TNC: variants seen among roughly 807,000 people sequenced by gnomAD.
TNC encodes the protein tenascin C.
A neutral mutation model predicts 202.4 loss-of-function variants in TNC; 109 were observed. That is an observed-to-expected ratio of 0.54 (90% confidence interval 0.46 to 0.63). The LOEUF (loss-of-function observed/expected upper bound fraction) is 0.63, where lower values mean the gene tolerates loss of function less well. TNC is among the 30% of genes least tolerant of loss of function. The pLI, the probability that TNC is intolerant of heterozygous loss-of-function variation, is 0.00. For synonymous variants in TNC, 1,007 were observed against 1,089.7 expected, an observed-to-expected ratio of 0.92 and a Z score of 1.50; for missense variants, 2,756 against 2,833.3, an observed-to-expected ratio of 0.97 and a Z score of 0.62.
chr9:115,042,438 C>A, intron 17 of TNC, 97 bp from the exon 18 acceptor site: 1 of 1,517,740 alleles, frequency 6.6e-7, no homozygotes, highest in East Asian at 2.3e-5. Context: ...AACTCAGTGC[C>A]TAGAATTTGT....
At chr9:115,087,705 T>C (rs867582221) in intron 2 of TNC, among the ~76,000 whole-genome samples, 50,322 of 141,022 alleles carry the variant, frequency 0.36, 8,162 homozygotes, top group Admixed American at 0.42. Context: ...TTTCTTTTTT[T>C]TTTTTTTTTT....
chr9:115,080,895 G>GAA (rs35253785), intron 6 of TNC, among the ~76,000 whole-genome samples: 16 of 136,100 alleles, frequency 1.2e-4, no homozygotes, highest in South Asian at 9.7e-4. Context: ...CTGGGTGACA[G>GAA]AAAAAAAAAA....
At chr9:115,041,316 A>AGGGG (rs747335969) in intron 18 of TNC, among the ~76,000 whole-genome samples, 7 of 128,208 alleles carry the variant, frequency 5.5e-5, no homozygotes, top group Admixed American at 2.3e-4. Context: ...GGGCGGGGGA[A>AGGGG]AACATGAAGT....
chr9:115,079,993 G>A lies in TNC; in HGVS notation c.2404+1779C>T, dbSNP rs1834178464. ...TGGTAAATTGTGGCCGGCCGTGGCG[G>A]CTCATGCCTGTAATGCCAGCACCTT... On this transcript the variant is annotated intron_variant, in intron 6 of 27. Transcript: ENST00000350763. 2.6e-5 allele frequency among the ~76,000 whole-genome samples: 4 copies of A among 152,332 alleles called. No homozygotes were observed. The South Asian group carries it at 8.3e-4, about 32-fold the overall frequency.
At chr9:115,026,138 A>T (rs546291539) in intron 26 of TNC, among the ~76,000 whole-genome samples, 1 of 152,300 alleles carries the variant, frequency 6.6e-6, no homozygotes, top group East Asian at 1.9e-4. Flanking sequence ...GCATCTGGAG[A>T]TTCACAAGAT....
chr9:115,031,660 G>T lies in TNC; in HGVS notation c.5813C>A (p.Thr1938Asn). 6.2e-7 allele frequency: 1 copy of T among 1,611,142 alleles called. No homozygotes were observed. Among genetic ancestry groups the T allele is most frequent in the East Asian group, 2.2e-5 (1 of 44,660 alleles). Reference sequence around the variant, plus strand: ...GCTCAGGTCTGCCAGGCTGTAGGAGGTGGTATCTGGACCCACAATGACTTC... The same window carrying T: ...GCTCAGGTCTGCCAGGCTGTAGGAGTTGGTATCTGGACCCACAATGACTTC... ...VKEVIVGPDT[T>N]SYSLADLSPS... The change falls in exon 23 of 28, where the codon ACC becomes AAC. Residue 1938 changes from threonine (T) to asparagine (N), a missense_variant. Transcript: ENST00000350763.
In TNC at chr9:115,085,998, C is replaced by A. The variant is rs770365201; in HGVS notation, c.1733G>T (p.Cys578Phe). The change falls in exon 3 of 28, where the codon TGC becomes TTC. Residue 578 changes from cysteine (C) to phenylalanine (F), a missense_variant. Transcript: ENST00000350763. ...GCCTGTGAAGCCCTCGTGGCAGATG[C>A]ACTGGCCGTCCACGCAGCGGCCCTG... ...HGQGRCVDGQ[C>F]ICHEGFTGLD... 1 of 1,613,880 alleles carries A rather than the reference C, an allele frequency of 6.2e-7. No individual in the cohort carries two copies. The highest frequency in any genetic ancestry group is 1.1e-5 in the South Asian group (1 of 91,030).
chr9:115,063,534 TA>T (rs1832711416), intron 12 of TNC, among the ~76,000 whole-genome samples: 1 of 152,168 alleles, frequency 6.6e-6, no homozygotes, highest in Non-Finnish European at 1.5e-5. Context: ...ACTTTTTAGA[TA>T]TTGTGACTGA....
intron 2 of TNC, 128 bp downstream of exon 2, chr9:115,090,432 CTT>C: frequency 1.4e-6 from 1 of 706,546 alleles, no homozygotes; most frequent in Non-Finnish European, 2.3e-6. Flanking sequence ...CATAAAATCT[CTT>C]TGTAATGAAC....
At position 115,042,199 on chromosome 9, in the gene TNC, C is replaced by A. The variant is rs1830810398; in HGVS notation, c.5248+20G>T. On this transcript the variant is annotated intron_variant, in intron 18 of 27. Transcript: ENST00000350763. Reference sequence around the variant, plus strand: ...AACCCACAACACTCCTCCTCTCTCTCCCCTTTCCGAGTCTCCTACCTCCTG... The same window carrying A: ...AACCCACAACACTCCTCCTCTCTCTACCCTTTCCGAGTCTCCTACCTCCTG... The A allele has an allele frequency of 1.2e-6, 2 of 1,611,954 alleles. No individual in the cohort carries two copies. The highest frequency in any genetic ancestry group is 8.5e-7 in the Non-Finnish European group (1 of 1,178,886).
intron 1 of TNC, among the ~76,000 whole-genome samples, chr9:115,097,892 T>C (rs1200940416): frequency 1.3e-5 from 2 of 152,132 alleles, no homozygotes; most frequent in Admixed American, 1.3e-4. Flanking sequence ...AAAAGATCAA[T>C]ATGAAGAGCT....
intron 26 of TNC, among the ~76,000 whole-genome samples, chr9:115,025,013 C>T (rs919457850): frequency 8.5e-5 from 13 of 152,122 alleles, no homozygotes; most frequent in South Asian, 2.1e-4. Flanking sequence ...AGCATGAGGA[C>T]GGCACGTAGA....
chr9:115,050,536 A>G (rs1329627262), intron 15 of TNC, among the ~76,000 whole-genome samples: 1 of 152,212 alleles, frequency 6.6e-6, no homozygotes, highest in African/African-American at 2.4e-5. Context: ...GATTTAATTC[A>G]CATTAGGTAA....
chr9:115,055,944 C>G (rs1471328695), intron 15 of TNC, among the ~76,000 whole-genome samples: 2 of 152,104 alleles, frequency 1.3e-5, no homozygotes, highest in Admixed American at 6.5e-5. Flanking sequence ...ATTTTCTCCT[C>G]TAAGTTTTTT....
intron 15 of TNC, 138 bp from the exon 16 acceptor site, chr9:115,048,670 G>A: frequency 1.1e-6 from 1 of 882,236 alleles, no homozygotes; most frequent in Non-Finnish European, 1.7e-6. Context: ...TGAAAATTCA[G>A]TAAGAACTTA....
intron 19 of TNC, among the ~76,000 whole-genome samples, chr9:115,039,497 T>A (rs1183387444): frequency 1.3e-5 from 2 of 152,218 alleles, no homozygotes; most frequent in African/African-American, 4.8e-5. Context: ...TGGCCTCTTT[T>A]AACTGACCTC....
chr9:115,097,006 A>G (rs73555011), intron 1 of TNC, among the ~76,000 whole-genome samples: 3,747 of 152,088 alleles, frequency 0.025, 154 homozygotes, highest in African/African-American at 0.086. Context: ...GTCAAAGACA[A>G]CTCATGACTC....
rs77111023 is a variant in TNC at position 115,068,378 on chromosome 9, T to C, written c.3215-3459A>G. 3.3e-5 allele frequency among the ~76,000 whole-genome samples: 5 copies of C among 152,158 alleles called. No homozygotes were observed. In the East Asian group the frequency reaches 9.6e-4, roughly 29 times the overall value. Reference sequence around the variant, plus strand: ...ATTTCTGACAGTGCCAACTTAAAAATCTGTAGATTGTTACCATCTTCTAGA... The same window carrying C: ...ATTTCTGACAGTGCCAACTTAAAAACCTGTAGATTGTTACCATCTTCTAGA... On this transcript the variant is annotated intron_variant, in intron 10 of 27. Coordinates refer to ENST00000350763, the MANE Select transcript of TNC (RefSeq NM_002160.4).
chr9:115,050,760 T>C (rs1336689985), intron 15 of TNC, among the ~76,000 whole-genome samples: 1 of 152,176 alleles, frequency 6.6e-6, no homozygotes, highest in Non-Finnish European at 1.5e-5. Flanking sequence ...CAGTTAAATT[T>C]CACCAACTCT....
Sources: allele counts gnomAD v4.1 joint callset (sites outside exome capture counted in the v4.1 genomes callset), GRCh38; gene constraint gnomAD v4.1.1; transcripts MANE v1.5; gene names NCBI Gene and HGNC (gene_info 2026-07-23, HGNC 2026-07-21).